Variants in LRRC17 observed in about 807,000 individuals in gnomAD.
The protein encoded by LRRC17 is leucine rich repeat containing 17, also known as leucine-rich repeat-containing protein 17.
Under a neutral mutation model 41.5 loss-of-function variants are expected in LRRC17, and 33 were observed. That is an observed-to-expected ratio of 0.80 (90% CI 0.60 to 1.06). The LOEUF (loss-of-function observed/expected upper bound fraction) is 1.06, where lower values mean the gene tolerates loss of function less well. Among genes scored for constraint, LRRC17 ranks in the 50% least tolerant of loss-of-function variants. The pLI is 0.00. For synonymous variants in LRRC17, 192 were observed against 197.0 expected, an observed-to-expected ratio of 0.97 and a Z score of 0.21; for missense variants, 491 against 519.3, an observed-to-expected ratio of 0.95 and a Z score of 0.53.
chr7:102,929,299 T>C (rs1818702039), intron 1 of LRRC17, among the ~76,000 whole-genome samples: 1 of 152,122 alleles, frequency 6.6e-6, no homozygotes. Flanking sequence ...TATGTAAACA[T>C]AAGTGTAATA....
At chr7:102,937,345 C>CAA (rs373845836) in intron 2 of LRRC17, among the ~76,000 whole-genome samples, 10,657 of 143,684 alleles carry the variant, frequency 0.074, 434 homozygotes, top group Non-Finnish European at 0.078. Flanking sequence ...ACTAAAAATA[C>CAA]AAAAAAAAAA....
At chr7:102,939,198 G>A (rs1302132671) in intron 2 of LRRC17, among the ~76,000 whole-genome samples, 2 of 152,206 alleles carry the variant, frequency 1.3e-5, no homozygotes, top group Non-Finnish European at 2.9e-5. Flanking sequence ...TAGGGCCTTA[G>A]TGAGGACTCT....
intron 1 of LRRC17, among the ~76,000 whole-genome samples, chr7:102,924,383 A>G (rs847656): frequency 0.76 from 116,081 of 152,092 alleles, 45,040 homozygotes; most frequent in Middle Eastern, 0.83. Context: ...GATTGATTAT[A>G]TATTTAAGTA....
chr7:102,924,788 C>T (rs971970942), intron 1 of LRRC17, among the ~76,000 whole-genome samples: 5 of 151,802 alleles, frequency 3.3e-5, no homozygotes, highest in Admixed American at 1.3e-4. Flanking sequence ...CTACAGGCAC[C>T]CACCACCGCA....
rs142961241 is a variant in LRRC17 at position 102,915,916 on chromosome 7, C to T, written c.-141+2771C>T. Reference sequence around the variant, plus strand: ...TATATGAGTAAAAATGTCCCAGAGACTGCTAATACTTCTGTAGTTTTTACC... The same window carrying T: ...TATATGAGTAAAAATGTCCCAGAGATTGCTAATACTTCTGTAGTTTTTACC... On this transcript the variant is annotated intron_variant, in intron 1 of 3. Coordinates refer to ENST00000339431, the MANE Select transcript of LRRC17 (RefSeq NM_001031692.3). 3.7e-3 allele frequency among the ~76,000 whole-genome samples: 566 copies of T among 151,892 alleles called. 5 individuals are homozygous for T. The highest frequency in any genetic ancestry group is 0.013 in the African/African-American group (559 of 41,460).
At chr7:102,930,242 C>T (rs180816271) in intron 1 of LRRC17, among the ~76,000 whole-genome samples, 1 of 152,296 alleles carries the variant, frequency 6.6e-6, no homozygotes, top group Non-Finnish European at 1.5e-5. Flanking sequence ...GCGAGGAGGG[C>T]TTGGCCTTCA....
chr7:102,921,484 A>G (rs1473208604), intron 1 of LRRC17, among the ~76,000 whole-genome samples: 1 of 151,986 alleles, frequency 6.6e-6, no homozygotes, highest in African/African-American at 2.4e-5. Flanking sequence ...GTTTGAGACC[A>G]GCCTGGCCAA....
At chr7:102,919,619 A>G (rs573870076) in intron 1 of LRRC17, among the ~76,000 whole-genome samples, 83 of 152,346 alleles carry the variant, frequency 5.4e-4, no homozygotes, top group African/African-American at 1.9e-3. Flanking sequence ...ACAAAAAATC[A>G]TGCTAGCTTC....
At chr7:102,923,957 A>G (rs1817572267) in intron 1 of LRRC17, among the ~76,000 whole-genome samples, 3 of 152,116 alleles carry the variant, frequency 2.0e-5, no homozygotes, top group African/African-American at 7.2e-5. Context: ...ATGTAAAACT[A>G]GGCTGGGCGC....
intron 1 of LRRC17, among the ~76,000 whole-genome samples, chr7:102,925,026 A>G (rs931080511): frequency 2.6e-5 from 4 of 152,230 alleles, no homozygotes; most frequent in African/African-American, 9.6e-5. Flanking sequence ...CAATAGTTTG[A>G]GAAATGTTTT....
Position 102,944,648 on chromosome 7 carries a change from A to G in LRRC17, c.*41A>G. The stretch of plus-strand genomic sequence containing the variant: ...GATTGTAATTAGTTTTGTATTTTCT[A>G]TACTGGTGTTAGAAAACATATGTTT... On this transcript the variant is annotated 3_prime_UTR_variant, in exon 4 of 4. Coordinates refer to ENST00000339431, the MANE Select transcript of LRRC17 (RefSeq NM_001031692.3). 6.6e-7 allele frequency: 1 copy of G among 1,508,162 alleles called. No individual in the cohort carries two copies. Among genetic ancestry groups the G allele is most frequent in the Non-Finnish European group, 8.9e-7 (1 of 1,123,356 alleles). 93.4% of individuals were successfully genotyped at this position (1,508,162 alleles called of 1,614,324 possible).
At chr7:102,932,151 A>T (rs1819302066) in intron 1 of LRRC17, among the ~76,000 whole-genome samples, 1 of 152,234 alleles carries the variant, frequency 6.6e-6, no homozygotes, top group Admixed American at 6.5e-5. Flanking sequence ...TGAGGATTAT[A>T]GGAGTAAGGG....
At chr7:102,941,724 G>A (rs1821484687) in intron 3 of LRRC17, among the ~76,000 whole-genome samples, 3 of 150,592 alleles carry the variant, frequency 2.0e-5, no homozygotes. Context: ...AACTATCAAT[G>A]CAAACAAGTT....
chr7:102,916,796 G>GGC (rs1308206020), intron 1 of LRRC17, among the ~76,000 whole-genome samples: 1 of 151,036 alleles, frequency 6.6e-6, no homozygotes. Flanking sequence ...TCTTATGGGG[G>GGC]GGGGTGTGAG....
At chr7:102,916,604 G>A (rs1170936748) in intron 1 of LRRC17, among the ~76,000 whole-genome samples, 1 of 152,098 alleles carries the variant, frequency 6.6e-6, no homozygotes, top group East Asian at 1.9e-4. Flanking sequence ...AATCACAGGT[G>A]GCAAATTTTG....
At chr7:102,919,899 A>G (rs1205457929) in intron 1 of LRRC17, among the ~76,000 whole-genome samples, 1 of 152,244 alleles carries the variant, frequency 6.6e-6, no homozygotes, top group Non-Finnish European at 1.5e-5. Flanking sequence ...AGAAAAAAAG[A>G]CCATCAATGA....
At chr7:102,913,828 G>A (rs1011765108) in intron 1 of LRRC17, among the ~76,000 whole-genome samples, 5 of 152,192 alleles carry the variant, frequency 3.3e-5, no homozygotes, top group Admixed American at 1.3e-4. Context: ...CAGAGTTTAA[G>A]CATGGATTAA....
At chr7:102,921,930 C>A (rs890751962) in intron 1 of LRRC17, among the ~76,000 whole-genome samples, 1 of 152,134 alleles carries the variant, frequency 6.6e-6, no homozygotes, top group East Asian at 1.9e-4. Flanking sequence ...GTGGCTCACG[C>A]CTGTAATCCC....
chr7:102,943,223 G>A (rs1399885259), intron 3 of LRRC17, among the ~76,000 whole-genome samples: 1 of 151,930 alleles, frequency 6.6e-6, no homozygotes, highest in African/African-American at 2.4e-5. Context: ...CCCAGGAACT[G>A]TCAGATCACC....
Sources: gnomAD v4.1 joint callset for allele counts (sites outside exome capture counted in the v4.1 genomes callset) on GRCh38, gnomAD v4.1.1 for gene constraint, MANE v1.5 for transcripts, NCBI Gene and HGNC (gene_info 2026-07-23, HGNC 2026-07-21) for gene names.